The following INPP4B variants were observed in gnomAD, a reference collection of about 807,000 sequenced individuals.
INPP4B encodes the protein inositol polyphosphate-4-phosphatase type II B.
In INPP4B, 55 loss-of-function variants were observed where a neutral mutation model predicts 122.5. That is an observed-to-expected ratio of 0.45 (90% confidence interval 0.36 to 0.56). The LOEUF (loss-of-function observed/expected upper bound fraction) is 0.56. Among genes scored for constraint, INPP4B ranks in the 20% least tolerant of loss-of-function variants. The pLI is 0.00. For missense variants in INPP4B, 1,000 were observed against 1,097.7 expected (o/e 0.91, Z 1.26); for synonymous variants, 403 against 388.7 (o/e 1.04, Z -0.43).
At chr4:142,502,637 C>T (rs546855078) in intron 2 of INPP4B, among the ~76,000 whole-genome samples, 17 of 151,968 alleles carry the variant, frequency 1.1e-4, no homozygotes, top group East Asian at 7.8e-4. Flanking sequence ...TACAGGTGGG[C>T]GCCCGGCTAA....
At position 142,431,531 on chromosome 4, in the gene INPP4B, T is replaced by C. The variant is rs757138764; in HGVS notation, c.-126-146A>G. On this transcript the variant is annotated intron_variant, in intron 3 of 25. Transcript: ENST00000262992. ...ATACTTTCAGAACCATTCCACACAG[T>C]TAATGCATCATAAAGTCTAGGTTTA... 11 of 459,904 alleles carry C rather than the reference T, an allele frequency of 2.4e-5. No individual in the cohort carries two copies. The South Asian group carries it at 2.7e-4, about 11-fold the overall frequency. The allele number at this position is 459,904 out of a possible 1,614,324, so 28.5% of individuals were successfully genotyped here.
Position 142,523,139 on chromosome 4 carries a change from A to G in INPP4B, c.-190-60413T>C, listed in dbSNP as rs1826324114. Among the ~76,000 whole-genome samples the G allele has an allele frequency of 2.0e-5, 3 of 152,278 alleles. No individual in the cohort carries two copies. The South Asian group carries it at 6.2e-4, about 32-fold the overall frequency. Reference sequence around the variant, plus strand: ...TAGTAGTTTAGGACAGAGGTTCTCAAAGTTGTTCCAGCATGAACAGCAACA... The same window carrying G: ...TAGTAGTTTAGGACAGAGGTTCTCAGAGTTGTTCCAGCATGAACAGCAACA... On this transcript the variant is annotated intron_variant, in intron 2 of 25. Coordinates refer to ENST00000262992, the MANE Select transcript of INPP4B (RefSeq NM_001101669.3).
At chr4:142,294,517 A>T (rs1561773679) in intron 9 of INPP4B, among the ~76,000 whole-genome samples, 1 of 151,980 alleles carries the variant, frequency 6.6e-6, no homozygotes, top group South Asian at 2.1e-4. Context: ...CAAGGGATAT[A>T]AAAAAATGGT....
chr4:142,674,147 C>T (rs568603214), intron 2 of INPP4B, among the ~76,000 whole-genome samples: 9 of 152,190 alleles, frequency 5.9e-5, no homozygotes, highest in East Asian at 3.9e-4. Context: ...CCCTATGGGT[C>T]GTCTGAGGCC....
chr4:142,067,968 G>C (rs1311762296), intron 25 of INPP4B, among the ~76,000 whole-genome samples: 4 of 152,208 alleles, frequency 2.6e-5, no homozygotes, highest in African/African-American at 9.6e-5. Flanking sequence ...TCAAATTCAG[G>C]AAATACAGAG....
intron 15 of INPP4B, among the ~76,000 whole-genome samples, chr4:142,182,184 C>A (rs1003230013): frequency 6.6e-6 from 1 of 152,106 alleles, no homozygotes; most frequent in African/African-American, 2.4e-5. Context: ...ATCGTTGGTC[C>A]TTGGTATTTT....
intron 22 of INPP4B, among the ~76,000 whole-genome samples, chr4:142,108,918 T>C (rs990262527): frequency 6.6e-6 from 1 of 152,174 alleles, no homozygotes; most frequent in Non-Finnish European, 1.5e-5. Flanking sequence ...AAAATCTCTA[T>C]TTCTAGGTGT....
At chr4:142,518,101 G>A (rs1825635952) in intron 2 of INPP4B, among the ~76,000 whole-genome samples, 1 of 152,060 alleles carries the variant, frequency 6.6e-6, no homozygotes, top group Non-Finnish European at 1.5e-5. Context: ...AGCAATGGCT[G>A]GAAATGAATC....
At chr4:142,740,711 G>A (rs1767777062) in intron 1 of INPP4B, among the ~76,000 whole-genome samples, 1 of 151,918 alleles carries the variant, frequency 6.6e-6, no homozygotes, top group Admixed American at 6.6e-5. Flanking sequence ...CCTTAACAGG[G>A]GTAAGTGACA....
chr4:142,341,760 A>G (rs2151699601), intron 7 of INPP4B, among the ~76,000 whole-genome samples: 1 of 152,126 alleles, frequency 6.6e-6, no homozygotes, highest in Non-Finnish European at 1.5e-5. Context: ...TGATATAGTA[A>G]GTAGCCATTC....
intron 15 of INPP4B, among the ~76,000 whole-genome samples, chr4:142,177,019 C>T (rs989446671): frequency 1.3e-5 from 2 of 152,138 alleles, no homozygotes; most frequent in Non-Finnish European, 2.9e-5. Context: ...TTTTCCCTCC[C>T]AATATATTCC....
At chr4:142,775,848 T>A (rs1369759336) in intron 1 of INPP4B, among the ~76,000 whole-genome samples, 1 of 152,168 alleles carries the variant, frequency 6.6e-6, no homozygotes, top group African/African-American at 2.4e-5. Context: ...GTAGGTTTTT[T>A]TGCAGATGAT....
At chr4:142,502,518 C>T (rs181515855) in intron 2 of INPP4B, among the ~76,000 whole-genome samples, 13 of 152,162 alleles carry the variant, frequency 8.5e-5, no homozygotes, top group Admixed American at 5.2e-4. Flanking sequence ...GATAGAGTTT[C>T]GCTCTTGTCA....
At chr4:142,806,771 GA>G (rs765495360) in intron 1 of INPP4B, among the ~76,000 whole-genome samples, 4 of 56,656 alleles carry the variant, frequency 7.1e-5, no homozygotes, top group East Asian at 3.4e-4. Flanking sequence ...AAAGAAGAAA[GA>G]AAGAAAGAAA....
At chr4:142,700,101 C>T (rs1431479857) in intron 2 of INPP4B, among the ~76,000 whole-genome samples, 4 of 151,996 alleles carry the variant, frequency 2.6e-5, no homozygotes, top group Non-Finnish European at 4.4e-5. Context: ...TCATGGTTTT[C>T]AAATTTTCTT....
intron 2 of INPP4B, among the ~76,000 whole-genome samples, chr4:142,514,790 T>C: frequency 7.3e-6 from 1 of 137,190 alleles, no homozygotes; most frequent in South Asian, 2.4e-4. Flanking sequence ...ACACCATGAT[T>C]TCTTTTTTTT....
chr4:142,382,654 T>C (rs1039768786), intron 7 of INPP4B, among the ~76,000 whole-genome samples: 2 of 113,870 alleles, frequency 1.8e-5, no homozygotes, highest in African/African-American at 8.0e-5. Context: ...ATATTATATA[T>C]ATTTATATAT....
chr4:142,306,686 TA>T (rs1763501055), intron 8 of INPP4B, among the ~76,000 whole-genome samples: 1 of 152,180 alleles, frequency 6.6e-6, no homozygotes, highest in Admixed American at 6.5e-5. Context: ...GAGCTGGTCC[TA>T]AAAGGCTTAA....
At position 142,392,424 on chromosome 4, in the gene INPP4B, C is replaced by T. The variant is rs2149007907; in HGVS notation, c.372+10514G>A. On this transcript the variant is annotated intron_variant, in intron 7 of 25. Transcript: ENST00000262992. ...ATTTGTGAAGGATTTTGCAGCCAAC[C>T]TTATACATGGATAACCTTATACTTT... Among the ~76,000 whole-genome samples the T allele has an allele frequency of 1.3e-5, 2 of 152,276 alleles. 1 individual carries two copies. Among genetic ancestry groups the T allele is most frequent in the South Asian group, 4.1e-4 (2 of 4,824 alleles).
Sources: allele counts gnomAD v4.1 joint callset (sites outside exome capture counted in the v4.1 genomes callset), GRCh38; gene constraint gnomAD v4.1.1; transcripts MANE v1.5; gene names NCBI Gene and HGNC (gene_info 2026-07-23, HGNC 2026-07-21).